The following SGSM3 variants were observed in gnomAD, a reference collection of about 807,000 sequenced individuals.
The protein encoded by SGSM3 is RUN and SH3 containing 3.
Under a neutral mutation model 100.5 loss-of-function variants are expected in SGSM3, and 96 were observed. The observed-to-expected ratio is 0.96, with a 90% confidence interval of 0.81 to 1.13. The LOEUF is 1.13. SGSM3 is among the 50% of genes most tolerant of loss of function. The pLI is 0.00. For missense variants in SGSM3, 1,001 were observed against 1,015.8 expected, an observed-to-expected ratio of 0.99 and a Z score of 0.20; for synonymous variants, 483 against 422.8, an observed-to-expected ratio of 1.14 and a Z score of -1.75.
At chr22:40,401,697 C>G in intron 3 of SGSM3, 22 bp downstream of exon 3, 1 of 1,595,696 alleles carries the variant, frequency 6.3e-7, no homozygotes, top group Non-Finnish European at 8.6e-7. Context: ...AGCCAGGCAC[C>G]AGCCTGCTGT....
chr22:40,390,362 A>G (rs773908895), intron 1 of SGSM3: 1 of 152,174 alleles, frequency 6.6e-6, no homozygotes, highest in Non-Finnish European at 1.5e-5. Context: ...GTATTTTCAC[A>G]TTCTTCTCAC....
At chr22:40,387,373 A>G (rs2048647464) in intron 1 of SGSM3, 1 of 392,144 alleles carries the variant, frequency 2.6e-6, no homozygotes, top group Non-Finnish European at 4.5e-6. Context: ...CGGTAATTAT[A>G]TAGATGGTAA....
chr22:40,398,080 G>T (rs1447358783), intron 1 of SGSM3, among the ~76,000 whole-genome samples: 1 of 146,188 alleles, frequency 6.8e-6, no homozygotes, highest in Non-Finnish European at 1.5e-5. Flanking sequence ...TGATTCTCCT[G>T]CCTCGGCCTC....
Position 40,389,170 on chromosome 22 carries a change from A to G in SGSM3, c.-111-11526A>G, listed in dbSNP as rs114621805. Among the ~76,000 whole-genome samples the G allele has an allele frequency of 7.6e-3, 1,156 of 152,248 alleles. 14 individuals carry two copies. The highest frequency in any genetic ancestry group is 0.026 in the African/African-American group (1,085 of 41,534). Reference sequence around the variant, plus strand: ...AGGCATATAGGAGGAGGAACTGGAAAAGGAGACTAAGAAGGAGCCAGAAAG... The same window carrying G: ...AGGCATATAGGAGGAGGAACTGGAAGAGGAGACTAAGAAGGAGCCAGAAAG... On this transcript the variant is annotated intron_variant, in intron 1 of 21. Coordinates refer to ENST00000248929, the MANE Select transcript of SGSM3 (RefSeq NM_015705.6).
intron 1 of SGSM3, among the ~76,000 whole-genome samples, chr22:40,395,063 T>C (rs1357120239): frequency 6.6e-6 from 1 of 152,218 alleles, no homozygotes; most frequent in Non-Finnish European, 1.5e-5. Context: ...ATTATTTCCA[T>C]TTTACAGAAG....
intron 1 of SGSM3, among the ~76,000 whole-genome samples, chr22:40,378,982 C>T (rs2047111300): frequency 6.6e-6 from 1 of 152,204 alleles, no homozygotes; most frequent in Admixed American, 6.5e-5. Flanking sequence ...TCACCTTCTT[C>T]AGGTGTTTGC....
chr22:40,383,609 A>T (rs1443576538), intron 1 of SGSM3, among the ~76,000 whole-genome samples: 1 of 152,158 alleles, frequency 6.6e-6, no homozygotes, highest in Admixed American at 6.5e-5. Context: ...TGGCCTTCTT[A>T]GCAGAGGACA....
Position 40,408,813 on chromosome 22 carries a change from G to A in SGSM3, c.1873G>A (p.Val625Ile), listed in dbSNP as rs1300631434. ...CCTCAGGTTGGATGAAGATGGCAAA[G>A]TCCTGACCCCGGAGGAGCTGCTCTA... is the stretch of plus-strand genomic sequence containing the variant. ...KTFRLDEDGK[V>I]LTPEELLYRA... The change falls in exon 18 of 22, where the codon GTC becomes ATC. Residue 625 changes from valine to isoleucine, a missense_variant. Val to Ile is a conservative substitution (Grantham distance 29). Coordinates refer to ENST00000248929, the MANE Select transcript of SGSM3 (RefSeq NM_015705.6). 1.2e-6 allele frequency: 2 copies of A among 1,613,818 alleles called. No individual in the cohort carries two copies. Among genetic ancestry groups the A allele is most frequent in the Non-Finnish European group, 1.7e-6 (2 of 1,180,026 alleles).
At chr22:40,372,123 T>TC (rs2045666665) in intron 1 of SGSM3, among the ~76,000 whole-genome samples, 1 of 31,350 alleles carries the variant, frequency 3.2e-5, no homozygotes, top group Non-Finnish European at 5.7e-5. Flanking sequence ...CCCCCCCCCC[T>TC]TTTTTTTTTT....
chr22:40,404,324 GC>G lies in SGSM3; in HGVS notation c.238del (p.His80ThrfsTer40). 6.3e-7 allele frequency: 1 copy of G among 1,585,180 alleles called. No individual in the cohort carries two copies. The highest frequency in any genetic ancestry group is 1.2e-5 in the South Asian group (1 of 86,320). On this transcript the variant is annotated frameshift_variant, in exon 5 of 22. Coordinates refer to ENST00000248929, the MANE Select transcript of SGSM3 (RefSeq NM_015705.6). LOFTEE classifies it high-confidence loss of function. ...EDAPQRLRWQ[A>X]HLEFTHNHDV... ...TGCTCCACAGAGGCTGCGGTGGCAG[GC>G]CCACCTGGAGTTCACCCATAACCAC...
Position 40,387,365 on chromosome 22 carries a change from G to T in SGSM3, c.-111-13331G>T, listed in dbSNP as rs185966243. On this transcript the variant is annotated intron_variant, in intron 1 of 21. Transcript: ENST00000248929. ...CATATCTGCAAATGAAACATTTCCG[G>T]TAATTATATAGATGGTAATGGCAAA... is the stretch of plus-strand genomic sequence containing the variant. The T allele has an allele frequency of 2.0e-5, 8 of 390,930 alleles. No individual in the cohort carries two copies. In the East Asian group the frequency reaches 2.5e-4, roughly 12 times the overall value. 24.2% of individuals were successfully genotyped at this position (390,930 alleles called of 1,614,324 possible).
chr22:40,372,111 G>GT (rs1330724842), intron 1 of SGSM3, among the ~76,000 whole-genome samples: 1 of 117,674 alleles, frequency 8.5e-6, no homozygotes, highest in Non-Finnish European at 1.7e-5. Flanking sequence ...TCTTCTCCCT[G>GT]TCCCCCCCCC....
intron 1 of SGSM3, among the ~76,000 whole-genome samples, chr22:40,378,594 G>A (rs1393231544): frequency 6.6e-6 from 1 of 151,938 alleles, no homozygotes; most frequent in East Asian, 1.9e-4. Context: ...TTAGCCGGGT[G>A]TGGTGGCGCA....
chr22:40,404,468 C>T lies in SGSM3; in HGVS notation c.366+13C>T. The stretch of plus-strand genomic sequence containing the variant: ...CATGAGGCCACAGGTAAGGTGGCCA[C>T]AGGGACCCACAGGGTGTTGAGAGGG... On this transcript the variant is annotated intron_variant, in intron 5 of 21. Transcript: ENST00000248929. 6.2e-7 allele frequency: 1 copy of T among 1,606,548 alleles called. No homozygotes were observed. The highest frequency in any genetic ancestry group is 8.5e-7 in the Non-Finnish European group (1 of 1,175,658).
chr22:40,405,046 T>C, intron 6 of SGSM3, 95 bp from the exon 7 acceptor site: 1 of 1,414,960 alleles, frequency 7.1e-7, no homozygotes, highest in East Asian at 2.5e-5. Flanking sequence ...ACACAAGGAA[T>C]CCCCATTTCT....
At chr22:40,396,267 A>G (rs2146924832) in intron 1 of SGSM3, among the ~76,000 whole-genome samples, 2 of 152,238 alleles carry the variant, frequency 1.3e-5, no homozygotes, top group Admixed American at 1.3e-4. Flanking sequence ...GAGGAAATGC[A>G]GTCTTCAGCA....
At position 40,406,510 on chromosome 22, in the gene SGSM3, G is replaced by A. The variant is rs1468748657; in HGVS notation, c.1033G>A (p.Glu345Lys). Residue 345 changes from glutamate to lysine, a missense_variant, in exon 10 of 22, where the codon GAG (glutamate) becomes AAG (lysine). Coordinates refer to ENST00000248929, the MANE Select transcript of SGSM3 (RefSeq NM_015705.6). ...GCTATCGGATATCCCGTCGCAGATG[G>A]AGGACGCGGAGCTGCTTCTGGGGGT... ...NTLSDIPSQM[E>K]DAELLLGVAM... 1 of 1,612,390 alleles carries A rather than the reference G, an allele frequency of 6.2e-7. No homozygotes were observed. Among genetic ancestry groups the A allele is most frequent in the African/African-American group, 1.3e-5 (1 of 74,926 alleles).
chr22:40,407,927 G>A lies in SGSM3; in HGVS notation c.1579+84G>A, dbSNP rs1274651305. On this transcript the variant is annotated intron_variant, in intron 14 of 21. Transcript: ENST00000248929. The surrounding 1 kb of genome is among the most constrained non-coding windows in gnomAD (Gnocchi z 4.7). ...CTTGGGTGACCCTGGCCGCCACCAA[G>A]CTGTTCTCCTCTATACACCTGCCTG... The A allele has an allele frequency of 6.7e-7, 1 of 1,484,716 alleles. No homozygotes were observed. The highest frequency in any genetic ancestry group is 1.2e-5 in the South Asian group (1 of 81,266). 92.0% of individuals were successfully genotyped at this position (1,484,716 alleles called of 1,614,324 possible). A position where few individuals can be genotyped will look rare whatever the true frequency, so the allele number is the denominator to read the frequency against.
chr22:40,390,340 C>T (rs969863755), intron 1 of SGSM3: 2 of 152,220 alleles, frequency 1.3e-5, no homozygotes, highest in Non-Finnish European at 2.9e-5. Context: ...AAATTTCTCC[C>T]CTTTTTAACA....
Sources: gnomAD v4.1 joint callset for allele counts (sites outside exome capture counted in the v4.1 genomes callset) on GRCh38, gnomAD v4.1.1 for gene constraint, Gnocchi (gnomAD v3.1) non-coding constraint, MANE v1.5 for transcripts, NCBI Gene and HGNC (gene_info 2026-07-23, HGNC 2026-07-21) for gene names.